Variants in ADAMTS20 observed in about 807,000 individuals in gnomAD.
The protein encoded by ADAMTS20 is ADAM metallopeptidase with thrombospondin type 1 motif 20, also known as A disintegrin and metalloproteinase with thrombospondin motifs 20.
A neutral mutation model predicts 260.1 loss-of-function variants in ADAMTS20; 225 were observed. That is an observed-to-expected ratio of 0.87 (90% CI 0.78 to 0.97). The LOEUF is 0.97. ADAMTS20 is among the 50% of genes least tolerant of loss of function. The probability of loss-of-function intolerance (pLI) is 0.00; values close to 1 mark genes in which losing one functional copy is unlikely to be tolerated. For synonymous variants in ADAMTS20, 802 were observed against 769.5 expected (o/e 1.04, Z -0.70); for missense variants, 2,400 against 2,337.7 (o/e 1.03, Z -0.55).
intron 7 of ADAMTS20, among the ~76,000 whole-genome samples, chr12:43,485,522 C>T (rs1479753508): frequency 6.6e-6 from 1 of 152,072 alleles, no homozygotes; most frequent in Non-Finnish European, 1.5e-5. Flanking sequence ...GACAAAGATG[C>T]CCACTTTCAC....
At chr12:43,530,405 A>G (rs1943203913) in intron 3 of ADAMTS20, among the ~76,000 whole-genome samples, 1 of 152,200 alleles carries the variant, frequency 6.6e-6, no homozygotes, top group Non-Finnish European at 1.5e-5. Flanking sequence ...CTTTGAAGCC[A>G]TAAAAATGAA....
Position 43,427,842 on chromosome 12 carries a change from G to GT in ADAMTS20, c.3946-374dup, listed in dbSNP as rs772951925. ...CTTTATTTTGTATTATGAATGTTAT[G>GT]TAAAATATGAACTAAAACTATACCA... On this transcript the variant is annotated intron_variant, in intron 26 of 38. Transcript: ENST00000389420. Among the ~76,000 whole-genome samples the GT allele has an allele frequency of 3.4e-4, 52 of 152,228 alleles. 1 individual carries two copies. The highest frequency in any genetic ancestry group is 3.4e-3 in the Middle Eastern group (1 of 292).
rs760473188 is a variant in ADAMTS20 at position 43,431,492 on chromosome 12, A to T, written c.3101T>A (p.Leu1034His). 3 of 1,613,942 alleles carry T rather than the reference A, an allele frequency of 1.9e-6. No homozygotes were observed. Among genetic ancestry groups the T allele is most frequent in the Non-Finnish European group, 2.5e-6 (3 of 1,179,840 alleles). The change falls in exon 22 of 39, where the codon CTT becomes CAT. Residue 1034 changes from leucine (L) to histidine (H), a missense_variant. Coordinates refer to ENST00000389420, the MANE Select transcript of ADAMTS20 (RefSeq NM_025003.5). ...CTTTGTTCCTTTACCACATGTAACA[A>T]GGCACTGTAAGAATAAAACTGATCA... ...SWAASEWSEC[L>H]VTCGKGTKQR...
chr12:43,531,625 G>C (rs1943221743), intron 3 of ADAMTS20, among the ~76,000 whole-genome samples: 1 of 152,074 alleles, frequency 6.6e-6, no homozygotes, highest in Admixed American at 6.6e-5. Context: ...GGTTACCAGA[G>C]GCTACAGTTG....
chr12:43,398,171 A>G (rs899216433), intron 29 of ADAMTS20, among the ~76,000 whole-genome samples: 3 of 152,196 alleles, frequency 2.0e-5, no homozygotes, highest in Non-Finnish European at 4.4e-5. Flanking sequence ...AGATGGCTAC[A>G]TTGAAAGTCT....
rs1321192707 is a variant in ADAMTS20, at chr12:43,550,965, C to T, written c.397G>A (p.Gly133Ser). 5 of 1,602,630 alleles carry T rather than the reference C, an allele frequency of 3.1e-6. No individual in the cohort carries two copies. Among genetic ancestry groups the T allele is most frequent in the Non-Finnish European group, 4.3e-6 (5 of 1,172,400 alleles). Residue 133 changes from glycine to serine, a missense_variant, in exon 2 of 39, where the codon GGC becomes AGC. Transcript: ENST00000389420. ...TAATCCTCCTGTGAGTTGACCTGGC[C>T]GCGGTAGAAGCAGTGGCGCAGGTCC... Reference protein sequence around the residue: ...PSDLRHCFYRGQVNSQEDYKA... With the variant: ...PSDLRHCFYRSQVNSQEDYKA...
In ADAMTS20 at chr12:43,428,209, A is replaced by G. The variant is rs771624658; in HGVS notation, c.3945+32T>C. ...AAAGGATGTAATATAACAAAATTAC[A>G]GAATTAATATAACTCAATAAAGATG... On this transcript the variant is annotated intron_variant, in intron 26 of 38. Transcript: ENST00000389420. 39 of 1,600,532 alleles carry G rather than the reference A, an allele frequency of 2.4e-5. No individual in the cohort carries two copies. In the East Asian group the frequency reaches 8.5e-4, roughly 35 times the overall value.
At chr12:43,495,189 G>GA (rs796274105) in intron 4 of ADAMTS20, among the ~76,000 whole-genome samples, 5 of 151,932 alleles carry the variant, frequency 3.3e-5, no homozygotes, top group South Asian at 4.2e-4. Flanking sequence ...CTAGAATTTG[G>GA]AAAAAAATTC....
intron 11 of ADAMTS20, 129 bp downstream of exon 11, chr12:43,462,765 AT>A (rs1431955855): frequency 8.9e-6 from 6 of 676,936 alleles, no homozygotes; most frequent in Admixed American, 2.8e-5. Context: ...TCAAACAAAC[AT>A]GGCAATAACA....
Position 43,431,335 on chromosome 12 carries a change from A to C in ADAMTS20, c.3258T>G (p.Gly1086=). ...TCASWQVGPW[G]PCTTTCGHGY... ...AAAACCCATATCATATACTCACAGG[A>C]CCCCATGGTCCTACTTGCCAGGAAG... Residue 1086 remains glycine (G), a synonymous_variant, in exon 22 of 39, where the codon GGT becomes GGG. Coordinates refer to ENST00000389420, the MANE Select transcript of ADAMTS20 (RefSeq NM_025003.5). 1 of 1,613,714 alleles carries C rather than the reference A, an allele frequency of 6.2e-7. No individual in the cohort carries two copies. The highest frequency in any genetic ancestry group is 8.5e-7 in the Non-Finnish European group (1 of 1,179,736).
rs892124707 is a variant in ADAMTS20 at position 43,354,172 on chromosome 12, A to G, written c.*37T>C. Reference sequence around the variant, plus strand: ...CAGTTATTTGAATATTCCAGAGAATATCCCCTCTTTAGGGCATACTTCCCC... The same window carrying G: ...CAGTTATTTGAATATTCCAGAGAATGTCCCCTCTTTAGGGCATACTTCCCC... On this transcript the variant is annotated 3_prime_UTR_variant, in exon 39 of 39. Transcript: ENST00000389420. 4 of 1,418,936 alleles carry G rather than the reference A, an allele frequency of 2.8e-6. No individual in the cohort carries two copies. The highest frequency in any genetic ancestry group is 3.9e-6 in the Non-Finnish European group (4 of 1,030,460). The allele number at this position is 1,418,936 out of a possible 1,614,324, so 87.9% of individuals were successfully genotyped here. A position where few individuals can be genotyped will look rare whatever the true frequency, so the allele number is the denominator to read the frequency against.
intron 10 of ADAMTS20, 71 bp from the exon 11 acceptor site, chr12:43,463,070 C>A (rs759281988): frequency 2.6e-5 from 27 of 1,029,296 alleles, no homozygotes; most frequent in Admixed American, 7.3e-5. Context: ...TTCAGTATTA[C>A]ACATTGATTT....
chr12:43,540,754 C>T (rs1943366049), intron 2 of ADAMTS20, among the ~76,000 whole-genome samples: 1 of 152,108 alleles, frequency 6.6e-6, no homozygotes, highest in Non-Finnish European at 1.5e-5. Context: ...CAATCAAATT[C>T]CTAACACTTT....
chr12:43,510,266 A>T (rs1290858760), intron 3 of ADAMTS20, among the ~76,000 whole-genome samples: 1 of 151,982 alleles, frequency 6.6e-6, no homozygotes, highest in Non-Finnish European at 1.5e-5. Context: ...CACCCCAAAC[A>T]TTTAACAGTA....
At chr12:43,376,496 T>C (rs1246167671) in intron 33 of ADAMTS20, 28 bp downstream of exon 33, 1 of 1,593,398 alleles carries the variant, frequency 6.3e-7, no homozygotes, top group Non-Finnish European at 8.5e-7. Context: ...AACCCTTAGG[T>C]ATTAGATTTT....
chr12:43,548,427 G>A (rs903564192), intron 2 of ADAMTS20, among the ~76,000 whole-genome samples: 4 of 152,124 alleles, frequency 2.6e-5, no homozygotes, highest in Non-Finnish European at 5.9e-5. Flanking sequence ...TCTGGTCCAG[G>A]TTTCGGATAC....
chr12:43,369,247 T>C (rs1460515057), intron 37 of ADAMTS20, 43 bp downstream of exon 37: 19 of 1,263,702 alleles, frequency 1.5e-5, no homozygotes, highest in Non-Finnish European at 2.0e-5. Context: ...AGCTATAATT[T>C]TTTTCACAAA....
At position 43,429,644 on chromosome 12, in the gene ADAMTS20, T is replaced by C. The variant is rs151007121; in HGVS notation, c.3462A>G (p.Ala1154=). 65 of 1,598,564 alleles carry C rather than the reference T, an allele frequency of 4.1e-5. No individual in the cohort carries two copies. In the African/African-American group the frequency reaches 4.2e-4, roughly 10 times the overall value. Residue 1154 remains alanine (A), a synonymous_variant, in exon 24 of 39, where the codon GCA becomes GCG. Transcript: ENST00000389420. ...LLPTVLIKKM[A]QWRHGSWTPC... ...GGGTCCAAGAACCATGTCGCCATTG[T>C]GCCATCTTTTTTATGAGAACAGTTG...
At chr12:43,420,769 TCC>T in intron 28 of ADAMTS20, among the ~76,000 whole-genome samples, 1 of 142,790 alleles carries the variant, frequency 7.0e-6, no homozygotes, top group African/African-American at 2.5e-5. Flanking sequence ...TTCTTCTTCT[TCC>T]TCTTCTTCTT....
Sources: allele counts gnomAD v4.1 joint callset (sites outside exome capture counted in the v4.1 genomes callset), GRCh38; gene constraint gnomAD v4.1.1; transcripts MANE v1.5; gene names NCBI Gene and HGNC (gene_info 2026-07-23, HGNC 2026-07-21).